Variants in SLAIN2 observed in about 807,000 individuals in gnomAD.
SLAIN2 encodes the protein SLAIN motif-containing protein 2.
A neutral mutation model predicts 56.6 loss-of-function variants in SLAIN2; 31 were observed. The ratio of observed to expected loss-of-function variants is 0.55; its 90% CI spans 0.41 to 0.74. The LOEUF (loss-of-function observed/expected upper bound fraction) is 0.74, where lower values mean the gene tolerates loss of function less well. Among genes scored for constraint, SLAIN2 ranks in the 30% least tolerant of loss-of-function variants. The probability of loss-of-function intolerance (pLI) is 0.00; values close to 1 mark genes in which losing one functional copy is unlikely to be tolerated. For synonymous variants in SLAIN2, 317 were observed against 284.9 expected, an observed-to-expected ratio of 1.11 and a Z score of -1.13; for missense variants, 777 against 754.2, an observed-to-expected ratio of 1.03 and a Z score of -0.35.
intron 6 of SLAIN2, 54 bp from the exon 7 acceptor site, chr4:48,420,071 T>A (rs1459166290): frequency 1.9e-6 from 3 of 1,553,672 alleles, no homozygotes; most frequent in Non-Finnish European, 2.6e-6. Context: ...AAAGCAATGG[T>A]TTCATATATA....
At chr4:48,364,594 C>G (rs1201754748) in intron 1 of SLAIN2, among the ~76,000 whole-genome samples, 6 of 100,490 alleles carry the variant, frequency 6.0e-5, no homozygotes, top group Admixed American at 1.9e-4. Flanking sequence ...CCATTGAGCA[C>G]TGAGTGAACG....
intron 2 of SLAIN2, among the ~76,000 whole-genome samples, chr4:48,374,096 C>G (rs1429215395): frequency 6.6e-6 from 1 of 151,980 alleles, no homozygotes; most frequent in Non-Finnish European, 1.5e-5. Flanking sequence ...TGCAAAGGCT[C>G]CATGTGGGAT....
At chr4:48,411,618 T>G (rs2109784721) in intron 6 of SLAIN2, among the ~76,000 whole-genome samples, 1 of 152,012 alleles carries the variant, frequency 6.6e-6, no homozygotes, top group East Asian at 1.9e-4. Flanking sequence ...TTTTTTTTCC[T>G]TAGCATGAAG....
chr4:48,383,224 T>C (rs1217693147), intron 5 of SLAIN2, among the ~76,000 whole-genome samples: 1 of 151,914 alleles, frequency 6.6e-6, no homozygotes, highest in Non-Finnish European at 1.5e-5. Context: ...AAGTGTCCTT[T>C]ATATTTCACT....
chr4:48,396,280 G>T (rs564917091), intron 6 of SLAIN2, among the ~76,000 whole-genome samples: 8 of 152,062 alleles, frequency 5.3e-5, no homozygotes, highest in Non-Finnish European at 1.2e-4. Flanking sequence ...GAAGGGGGAG[G>T]AGGGGCAGGG....
chr4:48,357,571 T>TA (rs1715192462), intron 1 of SLAIN2, among the ~76,000 whole-genome samples: 1 of 151,124 alleles, frequency 6.6e-6, no homozygotes, highest in Non-Finnish European at 1.5e-5. Flanking sequence ...TCCCCCAAGA[T>TA]GGAGTTTTGC....
At chr4:48,357,375 CTT>C (rs71660443) in intron 1 of SLAIN2, among the ~76,000 whole-genome samples, 3 of 147,288 alleles carry the variant, frequency 2.0e-5, no homozygotes, top group Admixed American at 6.8e-5. Context: ...ATATTTAAGT[CTT>C]TTTTTTTTTC....
chr4:48,359,269 TAC>T (rs1304618796), intron 1 of SLAIN2, among the ~76,000 whole-genome samples: 2 of 152,212 alleles, frequency 1.3e-5, no homozygotes, highest in African/African-American at 2.4e-5. Context: ...GAATGTACCT[TAC>T]TCAGTGAATA....
At chr4:48,389,126 G>A (rs1471937102) in intron 6 of SLAIN2, among the ~76,000 whole-genome samples, 3 of 152,196 alleles carry the variant, frequency 2.0e-5, no homozygotes, top group Non-Finnish European at 2.9e-5. Flanking sequence ...TGATTAATAT[G>A]TGTAATGTGC....
intron 1 of SLAIN2, among the ~76,000 whole-genome samples, chr4:48,363,908 C>T (rs1442544221): frequency 7.5e-6 from 1 of 132,674 alleles, no homozygotes; most frequent in Non-Finnish European, 1.7e-5. Context: ...GACGGCACGG[C>T]TGGCCAGGCG....
Position 48,342,010 on chromosome 4 carries a change from C to A in SLAIN2, c.271C>A (p.Leu91Met). 1 of 1,418,784 alleles carries A rather than the reference C, an allele frequency of 7.0e-7. No individual in the cohort carries two copies. Among genetic ancestry groups the A allele is most frequent in the East Asian group, 3.0e-5 (1 of 33,108 alleles). The allele number at this position is 1,418,784 out of a possible 1,614,324, so 87.9% of individuals were successfully genotyped here. The change falls in exon 1 of 8, where the codon CTG becomes ATG. Residue 91 changes from leucine (L) to methionine (M), a missense_variant. Leu to Met is a conservative substitution (Grantham distance 15, BLOSUM62 2). Transcript: ENST00000264313. ...SGPRRTSSEE[L>M]RDATSLLAAG... ...CCCGAGGCGGACGAGTAGCGAAGAGCTGCGGGACGCCACCTCCTTGCTAGC... is the reference window on the plus strand; with the variant it reads ...CCCGAGGCGGACGAGTAGCGAAGAGATGCGGGACGCCACCTCCTTGCTAGC...
rs771757859 is a variant in SLAIN2, at chr4:48,378,019, G to C, written c.662G>C (p.Arg221Pro). Reference sequence around the variant, plus strand: ...AATTCTCCATCCTCAACCCCAGTGCGACCTCCTATAGTCAAACAGCTTATA... The same window carrying C: ...AATTCTCCATCCTCAACCCCAGTGCCACCTCCTATAGTCAAACAGCTTATA... Reference protein sequence around the residue: ...GFNSPSSTPVRPPIVKQLILP... With the variant: ...GFNSPSSTPVPPPIVKQLILP... The change falls in exon 3 of 8, where the codon CGA becomes CCA. Residue 221 changes from arginine (R) to proline (P), a missense_variant. Transcript: ENST00000264313. 1 of 1,613,722 alleles carries C rather than the reference G, an allele frequency of 6.2e-7. No homozygotes were observed.
chr4:48,408,257 A>G (rs2109782166), intron 6 of SLAIN2, among the ~76,000 whole-genome samples: 1 of 152,110 alleles, frequency 6.6e-6, no homozygotes, highest in East Asian at 1.9e-4. Flanking sequence ...TTGAGTTTCA[A>G]GAGGTTGAGG....
intron 1 of SLAIN2, among the ~76,000 whole-genome samples, chr4:48,352,110 G>A (rs966382012): frequency 5.3e-5 from 7 of 131,116 alleles, no homozygotes; most frequent in African/African-American, 1.9e-4. Context: ...TTGAATATTG[G>A]AATGCTTTTA....
At chr4:48,350,526 A>G (rs761364830) in intron 1 of SLAIN2, among the ~76,000 whole-genome samples, 5 of 152,244 alleles carry the variant, frequency 3.3e-5, no homozygotes, top group Non-Finnish European at 7.3e-5. Context: ...AATTATCTGT[A>G]CTACCCAGAG....
intron 3 of SLAIN2, 140 bp from the exon 4 acceptor site, chr4:48,379,550 T>C: frequency 1.4e-6 from 1 of 705,480 alleles, no homozygotes; most frequent in South Asian, 5.8e-5. Context: ...CAATTTCTAA[T>C]TTCAGGGAAT....
intron 2 of SLAIN2, among the ~76,000 whole-genome samples, chr4:48,371,466 C>G (rs1715661847): frequency 1.3e-5 from 2 of 152,084 alleles, no homozygotes; most frequent in Admixed American, 6.6e-5. Context: ...TACCCTGAAG[C>G]TTGATGTAAG....
chr4:48,379,068 A>C lies in SLAIN2; in HGVS notation c.704-622A>C, dbSNP rs1490720948. 7.9e-5 allele frequency among the ~76,000 whole-genome samples: 12 copies of C among 152,256 alleles called. No homozygotes were observed. The East Asian group carries it at 2.3e-3, about 29-fold the overall frequency. ...GTTGACGATCTGATGAAAATATTTCATTAGAAACAAGTTAGACTTTTTTGG... is the reference window on the plus strand; with the variant it reads ...GTTGACGATCTGATGAAAATATTTCCTTAGAAACAAGTTAGACTTTTTTGG... On this transcript the variant is annotated intron_variant, in intron 3 of 7. Transcript: ENST00000264313.
In SLAIN2 at chr4:48,407,254, AT is replaced by A. The variant is rs1156489414; in HGVS notation, c.1361-12870del. On this transcript the variant is annotated intron_variant, in intron 6 of 7. Coordinates refer to ENST00000264313, the MANE Select transcript of SLAIN2 (RefSeq NM_020846.2). ...TTATGTATTGTGTATATTGACTCTT[AT>A]GTTTCTCCTTAGTCTTCTTCTTAAA... Among the ~76,000 whole-genome samples the A allele has an allele frequency of 5.9e-5, 9 of 151,860 alleles. No homozygotes were observed. The South Asian group carries it at 6.2e-4, about 10-fold the overall frequency.
Sources: allele counts gnomAD v4.1 joint callset (sites outside exome capture counted in the v4.1 genomes callset), GRCh38; gene constraint gnomAD v4.1.1; transcripts MANE v1.5; gene names NCBI Gene and HGNC (gene_info 2026-07-23, HGNC 2026-07-21).